The following NTMT2 variants were observed in gnomAD, a reference collection of about 807,000 sequenced individuals.
NTMT2 encodes the protein N-terminal Xaa-Pro-Lys N-methyltransferase 2.
Under a neutral mutation model 23.4 loss-of-function variants are expected in NTMT2, and 21 were observed. The ratio of observed to expected loss-of-function variants is 0.90; its 90% CI spans 0.64 to 1.29. NTMT2 has a LOEUF of 1.29. Ranked by LOEUF, NTMT2 falls within the 50% of genes most tolerant of loss-of-function variation. The pLI, the probability that NTMT2 is intolerant of heterozygous loss-of-function variation, is 0.00. For synonymous variants in NTMT2, 131 were observed against 127.7 expected, an observed-to-expected ratio of 1.03 and a Z score of -0.17; for missense variants, 336 against 352.0, an observed-to-expected ratio of 0.95 and a Z score of 0.36.
chr1:170,165,172 C>T (rs572133054), intron 2 of NTMT2, among the ~76,000 whole-genome samples: 12 of 152,134 alleles, frequency 7.9e-5, no homozygotes, highest in Non-Finnish European at 1.5e-4. Flanking sequence ...AGCACAAAAC[C>T]GCTTCAGCAG....
chr1:170,161,524 G>A (rs959785437), intron 2 of NTMT2: 5 of 152,028 alleles, frequency 3.3e-5, no homozygotes, highest in Non-Finnish European at 7.4e-5. Flanking sequence ...TATGTCTATC[G>A]TGGTTCTTCT....
At chr1:170,161,276 G>A (rs1673268575) in intron 2 of NTMT2, among the ~76,000 whole-genome samples, 1 of 151,284 alleles carries the variant, frequency 6.6e-6, no homozygotes, top group Non-Finnish European at 1.5e-5. Flanking sequence ...TCCAGCCTGG[G>A]TGACAGGTGA....
At chr1:170,162,195 T>C (rs528772737) in intron 2 of NTMT2, among the ~76,000 whole-genome samples, 4 of 152,302 alleles carry the variant, frequency 2.6e-5, no homozygotes, top group South Asian at 4.1e-4. Flanking sequence ...AGATGAAAAG[T>C]TCTAATTGGT....
In NTMT2 at chr1:170,146,464, C is replaced by T. The variant is rs1321506732; in HGVS notation, c.154+203C>T. Among the ~76,000 whole-genome samples, 6 of 152,094 alleles carry T rather than the reference C, an allele frequency of 3.9e-5. No homozygotes were observed. In the East Asian group the frequency reaches 7.7e-4, roughly 20 times the overall value. On this transcript the variant is annotated intron_variant, in intron 1 of 3. Coordinates refer to ENST00000439373, the MANE Select transcript of NTMT2 (RefSeq NM_001136107.2). ...TTAAGTGCCTAAAATAGAGTCAGGA[C>T]TTTATTTTGGGATTTCCATGCACCC...
intron 1 of NTMT2, among the ~76,000 whole-genome samples, chr1:170,159,344 C>T (rs1378411513): frequency 6.7e-6 from 1 of 150,048 alleles, no homozygotes; most frequent in Non-Finnish European, 1.5e-5. Flanking sequence ...TACAGCTGTG[C>T]TGTCTGCTGC....
chr1:170,166,101 T>C (rs1673373103), intron 2 of NTMT2, among the ~76,000 whole-genome samples: 1 of 150,924 alleles, frequency 6.6e-6, no homozygotes, highest in African/African-American at 2.4e-5. Flanking sequence ...TTTAAAGAGG[T>C]AACTAGGGTG....
chr1:170,157,625 T>A (rs1252297840), intron 1 of NTMT2, among the ~76,000 whole-genome samples: 1 of 151,838 alleles, frequency 6.6e-6, no homozygotes, highest in Admixed American at 6.6e-5. Context: ...CATTTCTGAA[T>A]ACTATCCAAT....
chr1:170,157,513 A>T (rs1571822033), intron 1 of NTMT2, among the ~76,000 whole-genome samples: 1 of 152,258 alleles, frequency 6.6e-6, no homozygotes, highest in Middle Eastern at 3.4e-3. Context: ...AAGTTGGAAA[A>T]TGCTGATGTA....
intron 2 of NTMT2, among the ~76,000 whole-genome samples, chr1:170,162,810 A>C (rs1673298914): frequency 6.6e-6 from 1 of 152,296 alleles, no homozygotes; most frequent in South Asian, 2.1e-4. Flanking sequence ...GCTCTTAACC[A>C]TGACATATTT....
chr1:170,166,448 G>A (rs1311653428), intron 2 of NTMT2, 54 bp from the exon 3 acceptor site: 12 of 1,545,266 alleles, frequency 7.8e-6, no homozygotes, highest in Non-Finnish European at 1.0e-5. Flanking sequence ...GCCTGGGTGT[G>A]CAATTTTCAA....
At chr1:170,166,460 G>A (rs561014683) in intron 2 of NTMT2, 42 bp from the exon 3 acceptor site, 2 of 1,549,370 alleles carry the variant, frequency 1.3e-6, no homozygotes, top group African/African-American at 1.4e-5. Flanking sequence ...AATTTTCAAG[G>A]ATGGGTCTCT....
At position 170,160,825 on chromosome 1, in the gene NTMT2, G is replaced by A. The variant is rs952402365; in HGVS notation, c.330+132G>A. On this transcript the variant is annotated intron_variant, in intron 2 of 3. Transcript: ENST00000439373. ...CCAAGAGTTCTGCCGCCTGCAAGCC[G>A]GTTTTAAGATGTTCAGAAAGGATGA... The A allele has an allele frequency of 2.8e-5, 19 of 686,856 alleles. 1 individual carries two copies. Among genetic ancestry groups the A allele is most frequent in the African/African-American group, 5.5e-5 (3 of 54,848 alleles). 42.5% of individuals were successfully genotyped at this position (686,856 alleles called of 1,614,324 possible). A position where few individuals can be genotyped will look rare whatever the true frequency, so the allele number is the denominator to read the frequency against.
At chr1:170,146,871 A>G (rs1035196360) in intron 1 of NTMT2, among the ~76,000 whole-genome samples, 2 of 152,172 alleles carry the variant, frequency 1.3e-5, no homozygotes, top group Non-Finnish European at 2.9e-5. Context: ...GAATTGGACA[A>G]TAGAGCAATA....
chr1:170,162,874 T>A (rs1673301181), intron 2 of NTMT2, among the ~76,000 whole-genome samples: 1 of 151,976 alleles, frequency 6.6e-6, no homozygotes. Flanking sequence ...ATTTATTTAT[T>A]TATTTATTTA....
chr1:170,163,542 A>T (rs367678701), intron 2 of NTMT2, among the ~76,000 whole-genome samples: 178 of 152,320 alleles, frequency 1.2e-3, no homozygotes, highest in African/African-American at 4.0e-3. Flanking sequence ...CTAGTGGGAG[A>T]AAGTAGTAAT....
intron 1 of NTMT2, among the ~76,000 whole-genome samples, chr1:170,149,703 A>G (rs913306966): frequency 6.6e-6 from 1 of 152,208 alleles, no homozygotes; most frequent in Non-Finnish European, 1.5e-5. Context: ...CTCTGAGTAT[A>G]ATTTTTCTTA....
At chr1:170,156,189 G>A (rs1302249913) in intron 1 of NTMT2, among the ~76,000 whole-genome samples, 1 of 152,062 alleles carries the variant, frequency 6.6e-6, no homozygotes, top group Admixed American at 6.6e-5. Context: ...CTACTTGCAG[G>A]CATCTGCTGC....
At position 170,166,512 on chromosome 1, in the gene NTMT2, G is replaced by A; in HGVS notation, c.341G>A (p.Arg114Lys). 1 of 1,552,330 alleles carries A rather than the reference G, an allele frequency of 6.4e-7. No individual in the cohort carries two copies. Among genetic ancestry groups the A allele is most frequent in the Non-Finnish European group, 8.7e-7 (1 of 1,147,136 alleles). The change falls in exon 3 of 4, where the codon AGA becomes AAA. Residue 114 changes from arginine to lysine, a missense_variant. Transcript: ENST00000439373. ...FLRKFVGGPG[R>K]AGTDCALDCG... ...GGTGCCTTTCTGCAGGGGCCTGGGA[G>A]AGCTGGAACAGACTGCGCCTTGGAC...
intron 2 of NTMT2, among the ~76,000 whole-genome samples, chr1:170,165,735 G>A (rs1168217528): frequency 2.0e-5 from 3 of 151,946 alleles, no homozygotes; most frequent in African/African-American, 7.3e-5. Flanking sequence ...TTTCTGTAGT[G>A]TAATAATCTG....
Sources: gnomAD v4.1 joint callset for allele counts (sites outside exome capture counted in the v4.1 genomes callset) on GRCh38, gnomAD v4.1.1 for gene constraint, MANE v1.5 for transcripts, NCBI Gene and HGNC (gene_info 2026-07-23, HGNC 2026-07-21) for gene names.